The following SRD5A2 variants were observed in gnomAD, a reference collection of about 807,000 sequenced individuals.
The protein encoded by SRD5A2 is 3-oxo-5-alpha-steroid 4-dehydrogenase 2.
Under a neutral mutation model 27.4 loss-of-function variants are expected in SRD5A2, and 30 were observed. The observed-to-expected ratio is 1.10, with a 90% CI of 0.82 to 1.49. The LOEUF is 1.49. SRD5A2 is among the 40% of genes most tolerant of loss of function. SRD5A2 has a pLI of 0.00. For missense variants in SRD5A2, 348 were observed against 323.4 expected, an observed-to-expected ratio of 1.08 and a Z score of -0.58; for synonymous variants, 141 against 133.6, an observed-to-expected ratio of 1.06 and a Z score of -0.38.
At chr2:31,577,541 C>G (rs1666984469) in intron 1 of SRD5A2, among the ~76,000 whole-genome samples, 2 of 152,144 alleles carry the variant, frequency 1.3e-5, no homozygotes, top group Non-Finnish European at 2.9e-5. Context: ...GTGTGCCATC[C>G]TTGTATTGAG....
chr2:31,525,870 G>A lies in SRD5A2; in HGVS notation c.*326C>T. The A allele has an allele frequency of 3.4e-6, 1 of 292,644 alleles. No homozygotes were observed. The allele number at this position is 292,644 out of a possible 1,614,324, so 18.1% of individuals were successfully genotyped here. On this transcript the variant is annotated 3_prime_UTR_variant, in exon 5 of 5. Coordinates refer to ENST00000622030, the MANE Select transcript of SRD5A2 (RefSeq NM_000348.4). ...GTTGTCCTGCATTGACAGGGAGTGG[G>A]TATGAAGCCACATGTACTTGGATTG...
Position 31,526,125 on chromosome 2 carries a change from A to G in SRD5A2, c.*71T>C. The G allele has an allele frequency of 1.0e-6, 1 of 967,658 alleles. No homozygotes were observed. Among genetic ancestry groups the G allele is most frequent in the Non-Finnish European group, 1.6e-6 (1 of 632,444 alleles). 59.9% of individuals were successfully genotyped at this position (967,658 alleles called of 1,614,324 possible). A position where few individuals can be genotyped will look rare whatever the true frequency, so the allele number is the denominator to read the frequency against. ...TATACGGGACTATTATATCATGAAA[A>G]TTACAGTTTCAGCAGCTTGACAGTT... On this transcript the variant is annotated 3_prime_UTR_variant, in exon 5 of 5. Transcript: ENST00000622030.
At chr2:31,559,206 C>T (rs2148086979) in intron 1 of SRD5A2, among the ~76,000 whole-genome samples, 1 of 152,230 alleles carries the variant, frequency 6.6e-6, no homozygotes, top group East Asian at 1.9e-4. Context: ...CAAATGTTGC[C>T]ACTTTGGCTT....
At chr2:31,626,760 G>A in the SRD5A2 span, among the ~76,000 whole-genome samples, 1 of 152,240 alleles carries the variant, frequency 6.6e-6, no homozygotes, top group South Asian at 2.1e-4. Flanking sequence ...CGGTTTGCCA[G>A]TATTATATTG....
intron 4 of SRD5A2, among the ~76,000 whole-genome samples, chr2:31,528,317 G>A (rs1665825900): frequency 6.6e-6 from 1 of 152,214 alleles, no homozygotes; most frequent in Non-Finnish European, 1.5e-5. Flanking sequence ...AATAAACCCT[G>A]GCATTGCAGA....
chr2:31,589,596 A>G, the SRD5A2 span, among the ~76,000 whole-genome samples: 1 of 152,196 alleles, frequency 6.6e-6, no homozygotes, highest in Admixed American at 6.5e-5. Context: ...GGGGGAGCCC[A>G]GGGAAACCAT....
chr2:31,539,943 T>G (rs1472140310), intron 1 of SRD5A2, among the ~76,000 whole-genome samples: 1 of 152,070 alleles, frequency 6.6e-6, no homozygotes, highest in African/African-American at 2.4e-5. Flanking sequence ...ACCAAGAAGG[T>G]CTCAAACTGA....
chr2:31,557,899 CCTT>C (rs1383000538), intron 1 of SRD5A2, among the ~76,000 whole-genome samples: 1 of 152,214 alleles, frequency 6.6e-6, no homozygotes, highest in African/African-American at 2.4e-5. Flanking sequence ...TGCTGCCTGA[CCTT>C]CTGATGCAGA....
At chr2:31,561,311 T>C (rs896074527) in intron 1 of SRD5A2, among the ~76,000 whole-genome samples, 2 of 152,128 alleles carry the variant, frequency 1.3e-5, no homozygotes, top group Admixed American at 6.6e-5. Context: ...CTTTCTCTAG[T>C]AAGACAAATA....
At chr2:31,580,515 A>G in intron 1 of SRD5A2, 105 bp downstream of exon 1, 1 of 1,356,670 alleles carries the variant, frequency 7.4e-7, no homozygotes, top group Non-Finnish European at 9.7e-7. Context: ...ACAGCGCCCC[A>G]CGCTGCCTCC....
chr2:31,533,947 C>T (rs1024928302), intron 1 of SRD5A2, among the ~76,000 whole-genome samples, 181 bp from the exon 2 acceptor site: 1 of 152,034 alleles, frequency 6.6e-6, no homozygotes, highest in Non-Finnish European at 1.5e-5. Context: ...TAATTACATA[C>T]CTGAAAAGTA....
the SRD5A2 span, among the ~76,000 whole-genome samples, chr2:31,613,727 T>C: frequency 6.6e-6 from 1 of 152,120 alleles, no homozygotes; most frequent in Non-Finnish European, 1.5e-5. Context: ...CTGGGTAATC[T>C]ATAAAGAAAA....
intron 1 of SRD5A2, among the ~76,000 whole-genome samples, chr2:31,537,806 A>T (rs1490510643): frequency 6.6e-6 from 1 of 152,168 alleles, no homozygotes; most frequent in Non-Finnish European, 1.5e-5. Context: ...TTAGGTCATG[A>T]GGGCTCTGCC....
chr2:31,655,628 A>G, the SRD5A2 span, among the ~76,000 whole-genome samples: 1 of 152,150 alleles, frequency 6.6e-6, no homozygotes, highest in African/African-American at 2.4e-5. Context: ...TCTTGCCCTG[A>G]TCTCATCAGC....
At chr2:31,600,188 A>T in the SRD5A2 span, among the ~76,000 whole-genome samples, 1 of 152,046 alleles carries the variant, frequency 6.6e-6, no homozygotes, top group Non-Finnish European at 1.5e-5. Flanking sequence ...GCTACACAGT[A>T]TCACATGGTA....
chr2:31,623,727 T>C, the SRD5A2 span, among the ~76,000 whole-genome samples: 1 of 152,130 alleles, frequency 6.6e-6, no homozygotes, highest in African/African-American at 2.4e-5. Flanking sequence ...TAGTATGATG[T>C]TGGCTGTGGG....
At chr2:31,589,409 T>C in the SRD5A2 span, among the ~76,000 whole-genome samples, 1 of 152,208 alleles carries the variant, frequency 6.6e-6, no homozygotes. Flanking sequence ...AATACCTCTC[T>C]AGTGAGGGCA....
the SRD5A2 span, among the ~76,000 whole-genome samples, chr2:31,592,332 G>C: frequency 1.3e-5 from 2 of 152,068 alleles, no homozygotes; most frequent in Non-Finnish European, 2.9e-5. Context: ...ACAACACCCT[G>C]GCTAACCGGA....
intron 1 of SRD5A2, among the ~76,000 whole-genome samples, chr2:31,564,207 T>C (rs1478769239): frequency 6.6e-6 from 1 of 151,804 alleles, no homozygotes; most frequent in Non-Finnish European, 1.5e-5. Context: ...AGTAGGGACA[T>C]GGAAGAGAGA....
Sources: gnomAD v4.1 joint callset for allele counts (sites outside exome capture counted in the v4.1 genomes callset) on GRCh38, gnomAD v4.1.1 for gene constraint, MANE v1.5 for transcripts, NCBI Gene and HGNC (gene_info 2026-07-23, HGNC 2026-07-21) for gene names.